PACS1: variants seen among roughly 807,000 people sequenced by gnomAD.
The protein encoded by PACS1 is phosphofurin acidic cluster sorting protein 1.
PACS1 carries 24 observed loss-of-function variants against 115.0 expected under a neutral mutation model. That is an observed-to-expected ratio of 0.21 (90% CI 0.15 to 0.29). The LOEUF (loss-of-function observed/expected upper bound fraction) is 0.29, where lower values mean the gene tolerates loss of function less well. PACS1 is among the 10% of genes least tolerant of loss of function. The pLI, the probability that PACS1 is intolerant of heterozygous loss-of-function variation, is 1.00. For missense variants in PACS1, 838 were observed against 1,251.2 expected (o/e 0.67, Z 4.98); for synonymous variants, 453 against 504.5 (o/e 0.90, Z 1.37).
intron 1 of PACS1, among the ~76,000 whole-genome samples, chr11:66,114,302 C>T (rs988125820): frequency 1.3e-5 from 2 of 151,554 alleles, no homozygotes; most frequent in Non-Finnish European, 2.9e-5. Flanking sequence ...CCTATAGTCA[C>T]AGCTACTCGG....
chr11:66,160,496 T>A (rs17147376), intron 1 of PACS1, among the ~76,000 whole-genome samples: 2,296 of 152,070 alleles, frequency 0.015, 61 homozygotes, highest in African/African-American at 0.052. Flanking sequence ...AAATGTGGGA[T>A]ATATAGAAAA....
chr11:66,123,952 A>G (rs1412989719), intron 1 of PACS1, among the ~76,000 whole-genome samples: 1 of 151,904 alleles, frequency 6.6e-6, no homozygotes, highest in Non-Finnish European at 1.5e-5. Context: ...CACTTGCGTT[A>G]TTGCAGTGGT....
At chr11:66,161,041 T>A (rs1565129148) in intron 1 of PACS1, among the ~76,000 whole-genome samples, 2 of 152,066 alleles carry the variant, frequency 1.3e-5, no homozygotes, top group African/African-American at 4.8e-5. Flanking sequence ...TACCCCTCAC[T>A]TAGTGAGGAT....
chr11:66,135,210 A>G (rs1290183527), intron 1 of PACS1, among the ~76,000 whole-genome samples: 3 of 152,106 alleles, frequency 2.0e-5, no homozygotes, highest in Non-Finnish European at 4.4e-5. Flanking sequence ...AAAAAAAAAA[A>G]TCTTATTTCT....
chr11:66,210,728 C>T (rs942912250), intron 3 of PACS1, among the ~76,000 whole-genome samples: 2 of 152,210 alleles, frequency 1.3e-5, no homozygotes, highest in African/African-American at 4.8e-5. Context: ...CACATCACAT[C>T]TCCTTAGTGA....
At chr11:66,150,682 CA>C (rs1256878174) in intron 1 of PACS1, among the ~76,000 whole-genome samples, 1 of 152,158 alleles carries the variant, frequency 6.6e-6, no homozygotes, top group East Asian at 1.9e-4. Context: ...TTTAAAAATC[CA>C]AAAAGTAAAT....
rs74852843 is a variant in PACS1, at chr11:66,239,074, T to C, written c.2294-68T>C. The C allele has an allele frequency of 3.7e-3, 5,996 of 1,609,658 alleles. 223 individuals carry two copies. In the African/African-American group the frequency reaches 0.072, roughly 19 times the overall value. On this transcript the variant is annotated intron_variant, in intron 20 of 23. Coordinates refer to ENST00000320580, the MANE Select transcript of PACS1 (RefSeq NM_018026.4). ...GCCACAGGATGGGAGGAACCCCGGC[T>C]CCTTGCCACCACCAAGTCAGAGATA...
At chr11:66,214,382 A>G (rs1003537183) in intron 4 of PACS1, among the ~76,000 whole-genome samples, 1 of 152,170 alleles carries the variant, frequency 6.6e-6, no homozygotes, top group Non-Finnish European at 1.5e-5. Flanking sequence ...TGCCAGTGAC[A>G]GGCGACCACC....
chr11:66,096,652 C>T (rs190683829), intron 1 of PACS1, among the ~76,000 whole-genome samples: 12 of 150,918 alleles, frequency 8.0e-5, no homozygotes, highest in Admixed American at 1.3e-4. Context: ...TACAGGCATG[C>T]GCCACCATGC....
intron 5 of PACS1, 124 bp from the exon 6 acceptor site, chr11:66,216,396 C>A: frequency 7.1e-7 from 1 of 1,400,056 alleles, no homozygotes; most frequent in South Asian, 1.2e-5. Flanking sequence ...TGGCTTCGGC[C>A]CTGGCCCTCC....
At chr11:66,081,147 T>G (rs1045827412) in intron 1 of PACS1, among the ~76,000 whole-genome samples, 5 of 151,880 alleles carry the variant, frequency 3.3e-5, no homozygotes, top group South Asian at 4.2e-4. Flanking sequence ...GCTGGAGGAT[T>G]GTGTGAGCTC....
At chr11:66,077,883 G>A (rs939854308) in intron 1 of PACS1, among the ~76,000 whole-genome samples, 1 of 151,914 alleles carries the variant, frequency 6.6e-6, no homozygotes, top group Non-Finnish European at 1.5e-5. Flanking sequence ...TGTATTTTTA[G>A]TAGAGACGGG....
chr11:66,083,909 C>T (rs1188409765), intron 1 of PACS1: 1 of 152,214 alleles, frequency 6.6e-6, no homozygotes, highest in African/African-American at 2.4e-5. Context: ...CTTTGTAACT[C>T]TTCCTGCACA....
At chr11:66,084,861 A>T (rs1262865044) in intron 1 of PACS1, among the ~76,000 whole-genome samples, 2 of 152,180 alleles carry the variant, frequency 1.3e-5, no homozygotes, top group Non-Finnish European at 2.9e-5. Flanking sequence ...TTAATTGGAA[A>T]TAAAATTTCT....
At chr11:66,239,571 G>A (rs555889103) in intron 21 of PACS1, among the ~76,000 whole-genome samples, 6 of 152,176 alleles carry the variant, frequency 3.9e-5, no homozygotes, top group East Asian at 1.9e-4. Context: ...ATCACTAGCC[G>A]GCCTGGTCAT....
chr11:66,099,241 T>A, intron 1 of PACS1, among the ~76,000 whole-genome samples: 1 of 152,142 alleles, frequency 6.6e-6, no homozygotes, highest in East Asian at 1.9e-4. Context: ...TATTTATTTT[T>A]GAGACAGAGT....
At chr11:66,224,646 G>A (rs1855436267) in intron 10 of PACS1, among the ~76,000 whole-genome samples, 1 of 152,152 alleles carries the variant, frequency 6.6e-6, no homozygotes, top group African/African-American at 2.4e-5. Context: ...CACTTTGCTG[G>A]TTCTGTGCTG....
At chr11:66,162,249 G>A (rs1452505450) in intron 1 of PACS1, among the ~76,000 whole-genome samples, 1 of 149,226 alleles carries the variant, frequency 6.7e-6, no homozygotes, top group Non-Finnish European at 1.5e-5. Flanking sequence ...AGTCTTCCCA[G>A]TAGCTGGGAT....
chr11:66,221,267 C>T lies in PACS1; in HGVS notation c.1293+20C>T, dbSNP rs373833656. On this transcript the variant is annotated intron_variant, in intron 10 of 23. Coordinates refer to ENST00000320580, the MANE Select transcript of PACS1 (RefSeq NM_018026.4). ...AGCCCTGTGAGCGCAACCGCGACTGCGGGGCGGGGTGGGACCGTGGCATGT... is the reference window on the plus strand; with the variant it reads ...AGCCCTGTGAGCGCAACCGCGACTGTGGGGCGGGGTGGGACCGTGGCATGT... 23 of 1,606,080 alleles carry T rather than the reference C, an allele frequency of 1.4e-5. No individual in the cohort carries two copies. Among genetic ancestry groups the T allele is most frequent in the East Asian group, 8.9e-5 (4 of 44,850 alleles).
Sources: gnomAD v4.1 joint callset for allele counts (sites outside exome capture counted in the v4.1 genomes callset) on GRCh38, gnomAD v4.1.1 for gene constraint, MANE v1.5 for transcripts, NCBI Gene and HGNC (gene_info 2026-07-23, HGNC 2026-07-21) for gene names.